The following TPRG1 variants were observed in gnomAD, a reference collection of about 807,000 sequenced individuals.
TPRG1 encodes the protein tumor protein p63 regulated 1, also known as tumor protein p63-regulated gene 1 protein.
TPRG1 carries 29 observed loss-of-function variants against 29.3 expected under a neutral mutation model. That is an observed-to-expected ratio of 0.99 (90% CI 0.74 to 1.35). The LOEUF (loss-of-function observed/expected upper bound fraction) is 1.35, where lower values mean the gene tolerates loss of function less well. Ranked by LOEUF, TPRG1 falls within the 40% of genes most tolerant of loss-of-function variation. The probability of loss-of-function intolerance (pLI) is 0.00; values close to 1 mark genes in which losing one functional copy is unlikely to be tolerated. For synonymous variants in TPRG1, 130 were observed against 116.8 expected (o/e 1.11, Z -0.73); for missense variants, 327 against 335.0 (o/e 0.98, Z 0.19).
chr3:189,088,205 A>G (rs2152176851), intron 4 of TPRG1, among the ~76,000 whole-genome samples: 1 of 152,214 alleles, frequency 6.6e-6, no homozygotes, highest in Middle Eastern at 3.4e-3. Flanking sequence ...GTTCTCCTTG[A>G]AGAGGTCCTT....
chr3:189,190,945 G>C, intron 1 of TPRG1: 4 of 985,296 alleles, frequency 4.1e-6, no homozygotes, highest in Non-Finnish European at 4.8e-6. Flanking sequence ...AGCCGGCTTT[G>C]AGATAAATAT....
At chr3:188,998,630 A>G (rs1377191547) in intron 1 of TPRG1, among the ~76,000 whole-genome samples, 2 of 152,244 alleles carry the variant, frequency 1.3e-5, no homozygotes, top group African/African-American at 4.8e-5. Context: ...ACAGTGGAAT[A>G]CTATTCAGTC....
chr3:189,003,263 T>C (rs924367394), intron 2 of TPRG1, among the ~76,000 whole-genome samples: 27 of 152,122 alleles, frequency 1.8e-4, no homozygotes, highest in African/African-American at 5.8e-4. Context: ...CATTAGGCAC[T>C]GAGTCACAAG....
chr3:189,195,813 A>G (rs943855886), intron 1 of TPRG1, among the ~76,000 whole-genome samples: 13 of 152,132 alleles, frequency 8.5e-5, no homozygotes, highest in Non-Finnish European at 1.9e-4. Context: ...TGATTAAGGG[A>G]TGGAGTGGTA....
At position 189,324,990 on chromosome 3, in the gene TPRG1, C is replaced by A. The variant is rs949658055; in HGVS notation, c.*4170C>A. The A allele has an allele frequency of 6.6e-6, 1 of 152,072 alleles. No individual in the cohort carries two copies. The highest frequency in any genetic ancestry group is 1.5e-5 in the Non-Finnish European group (1 of 68,014). The allele number at this position is 152,072 out of a possible 1,614,324, so 9.4% of individuals were successfully genotyped here. A position where few individuals can be genotyped will look rare whatever the true frequency, so the allele number is the denominator to read the frequency against. ...GTAAACTCACCTTTGGTCTGCACCT[C>A]CCACAACGTGCTCCGAAAGCAGTTA... On this transcript the variant is annotated 3_prime_UTR_variant, in exon 6 of 6. Coordinates refer to ENST00000345063, the MANE Select transcript of TPRG1 (RefSeq NM_198485.4).
chr3:189,010,591 T>C (rs1268931609), intron 3 of TPRG1, among the ~76,000 whole-genome samples: 2 of 152,226 alleles, frequency 1.3e-5, no homozygotes, highest in Admixed American at 6.5e-5. Context: ...TTTTGAAAAG[T>C]GTCTCTTCAT....
At chr3:189,023,736 C>A in intron 3 of TPRG1, 1 of 152,880 alleles carries the variant, frequency 6.5e-6, no homozygotes, top group African/African-American at 2.4e-5. Flanking sequence ...AACAGTCTGG[C>A]CACTCTTTTC....
upstream of TPRG1, among the ~76,000 whole-genome samples, chr3:189,171,350 G>A (rs915466101): frequency 3.9e-5 from 6 of 152,212 alleles, no homozygotes; most frequent in African/African-American, 1.2e-4. Flanking sequence ...TCACTAAATA[G>A]ATATTAATGG....
intron 2 of TPRG1, among the ~76,000 whole-genome samples, chr3:189,213,384 A>G (rs1009929178): frequency 6.6e-6 from 1 of 152,184 alleles, no homozygotes; most frequent in Non-Finnish European, 1.5e-5. Context: ...ATTTGGCACT[A>G]AATGACTAAA....
chr3:189,020,940 G>T (rs1713267545), intron 3 of TPRG1, among the ~76,000 whole-genome samples: 1 of 127,240 alleles, frequency 7.9e-6, no homozygotes, highest in Admixed American at 8.2e-5. Context: ...ATATATTTAG[G>T]ATAGTTAGCT....
At chr3:189,033,733 C>G (rs903759656) in intron 4 of TPRG1, among the ~76,000 whole-genome samples, 46 of 151,992 alleles carry the variant, frequency 3.0e-4, no homozygotes, top group African/African-American at 1.1e-3. Flanking sequence ...GTACCAGCCA[C>G]CATGCCCTAA....
rs1203717834 is a variant in TPRG1 at position 189,056,422 on chromosome 3, T to C, written c.-463+32476T>C. ...AGCAGAGGTATTTTTGCTGTTTGTT[T>C]TCTCTCCCCCTTATTTGTGTGTGAT... On this transcript the variant is annotated intron_variant, in intron 4 of 10. Coordinates refer to the TPRG1 transcript ENST00000433971. Among the ~76,000 whole-genome samples, 3 of 152,064 alleles carry C rather than the reference T, an allele frequency of 2.0e-5. No homozygotes were observed. The East Asian group carries it at 5.8e-4, about 29-fold the overall frequency.
intron 2 of TPRG1, among the ~76,000 whole-genome samples, chr3:189,208,423 G>GA (rs1395335270): frequency 3.3e-5 from 5 of 151,808 alleles, no homozygotes; most frequent in Admixed American, 1.3e-4. Context: ...GATCTTTTTG[G>GA]AAAAAAAATG....
intron 3 of TPRG1, among the ~76,000 whole-genome samples, chr3:189,015,649 A>G (rs1169508236): frequency 6.6e-6 from 1 of 152,126 alleles, no homozygotes; most frequent in African/African-American, 2.4e-5. Flanking sequence ...TGCAGCCTTG[A>G]GACATGGTGC....
intron 1 of TPRG1, among the ~76,000 whole-genome samples, chr3:189,203,370 G>A (rs1733802068): frequency 6.6e-6 from 1 of 151,552 alleles, no homozygotes; most frequent in African/African-American, 2.4e-5. Flanking sequence ...CAGCACTACT[G>A]CCATTTAATT....
At chr3:189,259,463 T>TTA (rs1491229222) in intron 4 of TPRG1, among the ~76,000 whole-genome samples, 2 of 41,236 alleles carry the variant, frequency 4.9e-5, no homozygotes, top group Non-Finnish European at 9.5e-5. Context: ...CAGGAATCCC[T>TTA]TTTTTTTTTT....
intron 4 of TPRG1, among the ~76,000 whole-genome samples, chr3:189,279,135 T>G (rs1410327478): frequency 6.6e-6 from 1 of 152,228 alleles, no homozygotes; most frequent in African/African-American, 2.4e-5. Flanking sequence ...ACAGGCAATA[T>G]ATAAATGAGT....
At chr3:189,307,647 C>A (rs1394189318) in intron 4 of TPRG1, among the ~76,000 whole-genome samples, 6 of 152,192 alleles carry the variant, frequency 3.9e-5, no homozygotes, top group Non-Finnish European at 8.8e-5. Context: ...GAAAAGACCC[C>A]TGAATGAGGT....
intron 3 of TPRG1, among the ~76,000 whole-genome samples, chr3:189,022,293 A>G (rs1713365214): frequency 6.7e-6 from 1 of 148,942 alleles, no homozygotes; most frequent in Non-Finnish European, 1.5e-5. Context: ...GTTCCTTTGG[A>G]GGAGGAGAGG....
Sources: gnomAD v4.1 joint callset for allele counts (sites outside exome capture counted in the v4.1 genomes callset) on GRCh38, gnomAD v4.1.1 for gene constraint, MANE v1.5 for transcripts, NCBI Gene and HGNC (gene_info 2026-07-23, HGNC 2026-07-21) for gene names.